Variants in PCDHGA1 observed in about 807,000 individuals in gnomAD.
The protein encoded by PCDHGA1 is protocadherin gamma-A1.
In PCDHGA1, 32 loss-of-function variants were observed where a neutral mutation model predicts 58.0. The ratio of observed to expected loss-of-function variants is 0.55; its 90% CI spans 0.42 to 0.74. PCDHGA1 has a LOEUF of 0.74. PCDHGA1 is among the 30% of genes least tolerant of loss of function. PCDHGA1 has a pLI of 0.00. For synonymous variants in PCDHGA1, 498 were observed against 501.1 expected (o/e 0.99, Z 0.08); for missense variants, 1,205 against 1,182.3 (o/e 1.02, Z -0.28).
At chr5:141,372,140 A>C in intron 1 of PCDHGA1, 1 of 1,613,766 alleles carries the variant, frequency 6.2e-7, no homozygotes, top group Non-Finnish European at 8.5e-7. Context: ...CGCGCTCTGC[A>C]GAGCCTGGCT....
In PCDHGA1 at chr5:141,422,435, A is replaced by G. The variant is rs199795822; in HGVS notation, c.2422-72372A>G. 7.8e-4 allele frequency: 1,254 copies of G among 1,609,700 alleles called. 7 individuals are homozygous for G. The highest frequency in any genetic ancestry group is 2.1e-3 in the South Asian group (193 of 90,090). Reference sequence around the variant, plus strand: ...TTAGAAAAGACTTATGGAAATTATTACAAATTGATAACAAGCAGAGTGCTG... The same window carrying G: ...TTAGAAAAGACTTATGGAAATTATTGCAAATTGATAACAAGCAGAGTGCTG... On this transcript the variant is annotated intron_variant, in intron 1 of 3. Transcript: ENST00000517417.
intron 1 of PCDHGA1, chr5:141,375,850 C>A (rs931838448): frequency 1.9e-6 from 3 of 1,614,070 alleles, no homozygotes; most frequent in East Asian, 2.2e-5. Context: ...ACCTGGTGAC[C>A]AAGGTGGTGG....
intron 1 of PCDHGA1, among the ~76,000 whole-genome samples, chr5:141,458,338 G>A (rs1160200932): frequency 2.6e-5 from 4 of 152,134 alleles, no homozygotes; most frequent in African/African-American, 9.7e-5. Context: ...GTTTTAAGGA[G>A]TGGAGAGTTT....
intron 1 of PCDHGA1, chr5:141,376,679 T>A (rs1008866087): frequency 1.9e-6 from 1 of 528,242 alleles, no homozygotes; most frequent in Non-Finnish European, 2.9e-6. Context: ...GGGTATCGTT[T>A]TTTTTTTTTT....
chr5:141,409,879 A>C, intron 1 of PCDHGA1: 1 of 1,612,852 alleles, frequency 6.2e-7, no homozygotes. Context: ...ATGACAACGC[A>C]CCGCGGGTGC....
At chr5:141,351,789 T>C in intron 1 of PCDHGA1, 1 of 1,613,364 alleles carries the variant, frequency 6.2e-7, no homozygotes. Flanking sequence ...AGCGGGGTGG[T>C]GTTCGCGCAG....
chr5:141,437,719 TA>T (rs1316054877), intron 1 of PCDHGA1, among the ~76,000 whole-genome samples: 1 of 151,332 alleles, frequency 6.6e-6, no homozygotes, highest in African/African-American at 2.4e-5. Context: ...AGTTACCCTC[TA>T]ATGTTACACT....
chr5:141,449,588 C>CAAA (rs768743917), intron 1 of PCDHGA1, among the ~76,000 whole-genome samples: 1 of 57,476 alleles, frequency 1.7e-5, no homozygotes, highest in East Asian at 5.2e-4. Context: ...GACTCTGTCT[C>CAAA]AAAAAAAAAA....
At chr5:141,473,272 A>G (rs2099318396) in intron 1 of PCDHGA1, among the ~76,000 whole-genome samples, 1 of 152,182 alleles carries the variant, frequency 6.6e-6, no homozygotes, top group African/African-American at 2.4e-5. Flanking sequence ...GTATGCTATG[A>G]TTATTTTACT....
intron 1 of PCDHGA1, chr5:141,471,461 T>C (rs1409374601): frequency 6.6e-6 from 1 of 152,194 alleles, no homozygotes; most frequent in Non-Finnish European, 1.5e-5. Flanking sequence ...GAAAGATTAC[T>C]CAGGTCTCTG....
At chr5:141,415,738 AGGTTTT>A in intron 1 of PCDHGA1, 1 of 538,082 alleles carries the variant, frequency 1.9e-6, no homozygotes, top group South Asian at 3.9e-5. Flanking sequence ...ATGTTTATTA[AGGTTTT>A]TTTTTTTTTT....
At chr5:141,394,610 C>T in intron 1 of PCDHGA1, 1 of 1,613,488 alleles carries the variant, frequency 6.2e-7, no homozygotes, top group African/African-American at 1.3e-5. Flanking sequence ...GAGACTCGGG[C>T]CAGAACGCCT....
intron 1 of PCDHGA1, chr5:141,340,741 G>A: frequency 6.2e-7 from 1 of 1,614,090 alleles, no homozygotes; most frequent in East Asian, 2.2e-5. Context: ...TGGTGACCAA[G>A]GTGGTGGCGG....
chr5:141,389,660 G>A (rs1302432237), intron 1 of PCDHGA1: 4 of 1,612,338 alleles, frequency 2.5e-6, no homozygotes, highest in African/African-American at 2.7e-5. Flanking sequence ...TAGTGGCGGT[G>A]GACGCAGACT....
chr5:141,392,060 G>A (rs537832041), intron 1 of PCDHGA1: 11 of 151,956 alleles, frequency 7.2e-5, no homozygotes, highest in Non-Finnish European at 1.5e-4. Context: ...AAATATTATC[G>A]ACATGTAATT....
chr5:141,389,541 C>A, intron 1 of PCDHGA1: 2 of 1,613,242 alleles, frequency 1.2e-6, no homozygotes, highest in Non-Finnish European at 1.7e-6. Context: ...AGTGGACGAC[C>A]GCAACGACAA....
chr5:141,382,946 T>C (rs1415736753), intron 1 of PCDHGA1: 27 of 1,598,228 alleles, frequency 1.7e-5, no homozygotes, highest in Non-Finnish European at 2.3e-5. Flanking sequence ...TTCTTCCTGC[T>C]CTCCATCCTC....
At chr5:141,413,357 G>C in intron 1 of PCDHGA1, 1 of 1,613,992 alleles carries the variant, frequency 6.2e-7, no homozygotes, top group Non-Finnish European at 8.5e-7. Context: ...CTGGCGCCCC[G>C]GGAGCTGGCG....
At chr5:141,379,087 A>G (rs1464802506) in intron 1 of PCDHGA1, 1 of 152,222 alleles carries the variant, frequency 6.6e-6, no homozygotes, top group Non-Finnish European at 1.5e-5. Flanking sequence ...TTTGTTATGA[A>G]TGTGTAAGAA....
Sources: gnomAD v4.1 joint callset for allele counts (sites outside exome capture counted in the v4.1 genomes callset) on GRCh38, gnomAD v4.1.1 for gene constraint, MANE v1.5 for transcripts, NCBI Gene and HGNC (gene_info 2026-07-23, HGNC 2026-07-21) for gene names.